The following ZNF860 variants were observed in gnomAD, a reference collection of about 807,000 sequenced individuals.
ZNF860 encodes the protein zinc finger protein 860.
For synonymous variants in ZNF860, 206 were observed against 248.9 expected (o/e 0.83, Z 1.62); for missense variants, 641 against 759.2 (o/e 0.84, Z 1.83).
At chr3:31,987,642 T>C (rs945566653) in intron 1 of ZNF860, among the ~76,000 whole-genome samples, 2 of 152,198 alleles carry the variant, frequency 1.3e-5, no homozygotes, top group Non-Finnish European at 2.9e-5. Flanking sequence ...TCTCTCATCC[T>C]CTAGCAGGCC....
rs1670340847 is a variant in ZNF860, at chr3:31,989,630, A to G, written c.551A>G (p.Asn184Ser). The G allele has an allele frequency of 1.2e-6, 2 of 1,614,210 alleles. No individual in the cohort carries two copies. The highest frequency in any genetic ancestry group is 1.1e-5 in the South Asian group (1 of 91,086). ...GGTAATCAAGTTGAGAAGTCTATCAACGATGCTTCCTCAGTTCTAACGTCC... is the reference window on the plus strand; with the variant it reads ...GGTAATCAAGTTGAGAAGTCTATCAGCGATGCTTCCTCAGTTCTAACGTCC... ...KVGNQVEKSI[N>S]DASSVLTSQR... Residue 184 changes from asparagine to serine, a missense_variant, in exon 2 of 2, where the codon AAC becomes AGC. Coordinates refer to ENST00000360311, the MANE Select transcript of ZNF860 (RefSeq NM_001137674.3).
intron 1 of ZNF860, among the ~76,000 whole-genome samples, chr3:31,984,965 G>A (rs1006624764): frequency 1.1e-4 from 17 of 152,302 alleles, no homozygotes; most frequent in African/African-American, 3.8e-4. Flanking sequence ...TAGGCCAGGC[G>A]CGGTGGCTCA....
In ZNF860 at chr3:31,982,501, C is replaced by G. The variant is rs143064812; in HGVS notation, c.-421+599C>G. Among the ~76,000 whole-genome samples the G allele has an allele frequency of 4.7e-3, 710 of 152,278 alleles. 5 individuals are homozygous for G. Among genetic ancestry groups the G allele is most frequent in the African/African-American group, 0.016 (673 of 41,544 alleles). ...AAAGTCAGCTCTCAAAGGGACAGTTCCCCGAGCCCAACCCCTTTCTAGCTT... is the reference window on the plus strand; with the variant it reads ...AAAGTCAGCTCTCAAAGGGACAGTTGCCCGAGCCCAACCCCTTTCTAGCTT... On this transcript the variant is annotated intron_variant, in intron 1 of 1. Transcript: ENST00000360311.
chr3:31,988,282 C>T (rs559961732), intron 1 of ZNF860, among the ~76,000 whole-genome samples: 78 of 152,146 alleles, frequency 5.1e-4, no homozygotes, highest in Non-Finnish European at 9.3e-4. Flanking sequence ...CCTGAGGAGC[C>T]TCTCCTACCT....
At position 31,989,193 on chromosome 3, in the gene ZNF860, G is replaced by A. The variant is rs750775977; in HGVS notation, c.114G>A (p.Trp38Ter). Residue 38 changes from tryptophan (W) to a stop codon, truncating the protein, a stop_gained, in exon 2 of 2, where the codon TGG (tryptophan) becomes TGA (stop). Transcript: ENST00000360311. LOFTEE classifies it low-confidence loss of function (END_TRUNC). ...DVAIEFSLEEWKCLDPTQRAL... is the reference protein window; with the variant it reads ...DVAIEFSLEE Reference sequence around the variant, plus strand: ...CTATAGAATTCTCTTTGGAGGAGTGGAAATGCCTGGACCCTACGCAGAGGG... The same window carrying A: ...CTATAGAATTCTCTTTGGAGGAGTGAAAATGCCTGGACCCTACGCAGAGGG... 5 of 1,614,148 alleles carry A rather than the reference G, an allele frequency of 3.1e-6. No individual in the cohort carries two copies. Among genetic ancestry groups the A allele is most frequent in the Non-Finnish European group, 4.2e-6 (5 of 1,180,022 alleles).
At chr3:31,999,684 T>C in the ZNF860 span, among the ~76,000 whole-genome samples, 1 of 152,148 alleles carries the variant, frequency 6.6e-6, no homozygotes, top group African/African-American at 2.4e-5. Flanking sequence ...TAAAAATTCT[T>C]TGCCATTCAT....
Position 31,989,246 on chromosome 3 carries a change from A to G in ZNF860, c.167A>G (p.Asn56Ser), listed in dbSNP as rs1397855896. Residue 56 changes from asparagine to serine, a missense_variant, in exon 2 of 2, where the codon AAC becomes AGC. Physicochemically the swap from Asn to Ser is conservative, Grantham distance 46. Coordinates refer to ENST00000360311, the MANE Select transcript of ZNF860 (RefSeq NM_001137674.3). ...TTATACAGGGCCATGATGTTGGAGA[A>G]CTACAGGAACCTGCATTCTGTGGAT... Reference protein sequence around the residue: ...RALYRAMMLENYRNLHSVDIS... With the variant: ...RALYRAMMLESYRNLHSVDIS... 3 of 1,614,098 alleles carry G rather than the reference A, an allele frequency of 1.9e-6. No homozygotes were observed. In the African/African-American group the frequency reaches 4.0e-5, roughly 22 times the overall value.
intron 1 of ZNF860, among the ~76,000 whole-genome samples, chr3:31,984,372 T>C (rs988948413): frequency 1.3e-5 from 2 of 151,530 alleles, no homozygotes; most frequent in South Asian, 2.1e-4. Flanking sequence ...AAGGATAGTT[T>C]GGTGGGCAGA....
chr3:32,004,323 T>C, the ZNF860 span, among the ~76,000 whole-genome samples: 2 of 152,162 alleles, frequency 1.3e-5, no homozygotes, highest in Non-Finnish European at 2.9e-5. Flanking sequence ...CATGTGGTAC[T>C]GGCTGCTTTT....
intron 1 of ZNF860, among the ~76,000 whole-genome samples, chr3:31,988,046 T>G (rs556961559): frequency 9.2e-5 from 14 of 152,342 alleles, no homozygotes; most frequent in African/African-American, 3.1e-4. Flanking sequence ...TCCCAGGCCT[T>G]GAGACCTAAT....
chr3:31,999,353 C>T, the ZNF860 span, among the ~76,000 whole-genome samples: 1 of 139,616 alleles, frequency 7.2e-6, no homozygotes, highest in African/African-American at 2.7e-5. Flanking sequence ...ATAAAAATAT[C>T]AAAATCTTTT....
downstream of ZNF860, among the ~76,000 whole-genome samples, chr3:31,991,863 TA>T (rs34418500): frequency 0.31 from 44,893 of 145,798 alleles, 8,582 homozygotes; most frequent in African/African-American, 0.55. Flanking sequence ...CAAGACAGGC[TA>T]AAAAAAAAAA....
the ZNF860 span, among the ~76,000 whole-genome samples, chr3:31,997,690 A>G: frequency 6.6e-6 from 1 of 152,066 alleles, no homozygotes; most frequent in Admixed American, 6.5e-5. Context: ...CATCAAGCGA[A>G]CATCTGGAGA....
Position 31,988,880 on chromosome 3 carries a change from G to T in ZNF860, c.-200G>T. The T allele has an allele frequency of 1.5e-6, 1 of 652,598 alleles. No individual in the cohort carries two copies. The highest frequency in any genetic ancestry group is 2.6e-6 in the Non-Finnish European group (1 of 385,184). 40.4% of individuals were successfully genotyped at this position (652,598 alleles called of 1,614,324 possible). A position where few individuals can be genotyped will look rare whatever the true frequency, so the allele number is the denominator to read the frequency against. On this transcript the variant is annotated 5_prime_UTR_variant, in exon 2 of 2. Coordinates refer to ENST00000360311, the MANE Select transcript of ZNF860 (RefSeq NM_001137674.3). ...TGACCCACAGCTTGACTACAACCCA[G>T]AGAGACACTGAGCCAGGAACACCCA...
the ZNF860 span, among the ~76,000 whole-genome samples, chr3:31,997,109 G>C: frequency 6.6e-6 from 1 of 152,224 alleles, no homozygotes; most frequent in Middle Eastern, 3.4e-3. Context: ...AAATTTACTA[G>C]CACACATTAT....
At position 31,989,287 on chromosome 3, in the gene ZNF860, A is replaced by C; in HGVS notation, c.208A>C (p.Met70Leu). 6.2e-7 allele frequency: 1 copy of C among 1,614,240 alleles called. No individual in the cohort carries two copies. Among genetic ancestry groups the C allele is most frequent in the African/African-American group, 1.3e-5 (1 of 75,052 alleles). ...TTCTGTGGATATCTCTTCCAAATGCATGATGAAGAAGTTCTCATCAACAGC... is the reference window on the plus strand; with the variant it reads ...TTCTGTGGATATCTCTTCCAAATGCCTGATGAAGAAGTTCTCATCAACAGC... The part of the protein sequence containing the change: ...LHSVDISSKC[M>L]MKKFSSTAQG... The change falls in exon 2 of 2, where the codon ATG (methionine) becomes CTG (leucine). Residue 70 changes from methionine to leucine, a missense_variant. Physicochemically the swap from Met to Leu is conservative, Grantham distance 15. Coordinates refer to ENST00000360311, the MANE Select transcript of ZNF860 (RefSeq NM_001137674.3).
chr3:32,003,190 C>T, the ZNF860 span, among the ~76,000 whole-genome samples: 6 of 152,182 alleles, frequency 3.9e-5, no homozygotes, highest in East Asian at 3.9e-4. Context: ...TGGAGGACTG[C>T]GTAACACTTA....
downstream of ZNF860, among the ~76,000 whole-genome samples, chr3:31,995,210 A>G (rs1399215551): frequency 6.6e-6 from 1 of 152,174 alleles, no homozygotes; most frequent in East Asian, 1.9e-4. Flanking sequence ...TCTGACCTCA[A>G]ATTTACCAGG....
chr3:31,990,007 G>C lies in ZNF860; in HGVS notation c.928G>C (p.Gly310Arg), dbSNP rs1233842082. 8 of 1,613,986 alleles carry C rather than the reference G, an allele frequency of 5.0e-6. No individual in the cohort carries two copies. Among genetic ancestry groups the C allele is most frequent in the Non-Finnish European group, 5.9e-6 (7 of 1,180,012 alleles). The change falls in exon 2 of 2, where the codon GGA (glycine) becomes CGA (arginine). Residue 310 changes from glycine (G) to arginine (R), a missense_variant. Physicochemically the swap from Gly to Arg is moderately radical, Grantham distance 125. Coordinates refer to ENST00000360311, the MANE Select transcript of ZNF860 (RefSeq NM_001137674.3). ...TGCAAGTCATCATAGACTTCATACT[G>C]GAGAGAAACCTTACAAATGTGAAGA... Reference protein sequence around the residue: ...NLASHHRLHTGEKPYKCEECD... With the variant: ...NLASHHRLHTREKPYKCEECD...
Sources: gnomAD v4.1 joint callset for allele counts (sites outside exome capture counted in the v4.1 genomes callset) on GRCh38, gnomAD v4.1.1 for gene constraint, MANE v1.5 for transcripts, NCBI Gene and HGNC (gene_info 2026-07-23, HGNC 2026-07-21) for gene names.